Variants in PARP3 observed in about 807,000 individuals in gnomAD.
The protein encoded by PARP3 is protein mono-ADP-ribosyltransferase PARP3.
Under a neutral mutation model 58.2 loss-of-function variants are expected in PARP3, and 46 were observed. The ratio of observed to expected loss-of-function variants is 0.79; its 90% CI spans 0.62 to 1.01. The LOEUF is 1.01. Among genes scored for constraint, PARP3 ranks in the 50% least tolerant of loss-of-function variants. PARP3 has a pLI of 0.00. For missense variants in PARP3, 663 were observed against 683.9 expected, an observed-to-expected ratio of 0.97 and a Z score of 0.34; for synonymous variants, 252 against 266.4, an observed-to-expected ratio of 0.95 and a Z score of 0.53.
rs377311591 is a variant in PARP3 at position 51,948,500 on chromosome 3, G to A, written c.*20G>A. The A allele has an allele frequency of 1.4e-4, 219 of 1,611,708 alleles. No homozygotes were observed. Among genetic ancestry groups the A allele is most frequent in the Non-Finnish European group, 1.8e-4 (210 of 1,178,492 alleles). ...CTCTGAGTGCCCGCCCTGTCCCCCG[G>A]GGTCCTGCAAGGCTGGACTGTGATC... On this transcript the variant is annotated 3_prime_UTR_variant, in exon 11 of 11. Transcript: ENST00000398755.
rs1441435898 is a variant in PARP3 at position 51,942,819 on chromosome 3, C to G, written c.-3+111C>G. 4 of 1,483,442 alleles carry G rather than the reference C, an allele frequency of 2.7e-6. No individual in the cohort carries two copies. In the African/African-American group the frequency reaches 4.2e-5, roughly 16 times the overall value. 91.9% of individuals were successfully genotyped at this position (1,483,442 alleles called of 1,614,324 possible). A position where few individuals can be genotyped will look rare whatever the true frequency, so the allele number is the denominator to read the frequency against. On this transcript the variant is annotated intron_variant, in intron 1 of 10. Transcript: ENST00000398755. ...GATCCGGAGTTCTGGCTCCTCAGAA[C>G]TCTTGAGTCCATTGGGAAGGGCTTC... is the stretch of plus-strand genomic sequence containing the variant.
Position 51,944,233 on chromosome 3 carries a change from G to T in PARP3, c.312+16G>T. ...GGGCCGTGTGGTGAGTGCCCTGCCT[G>T]CTCTGCACATACTCCCCAGGGTCCT... On this transcript the variant is annotated intron_variant, in intron 3 of 10. Coordinates refer to ENST00000398755, the MANE Select transcript of PARP3 (RefSeq NM_001003931.4). This position sits in a 1 kb window ranked among gnomAD's most constrained non-coding sequence, Gnocchi z 4.2. 6.2e-7 allele frequency: 1 copy of T among 1,613,774 alleles called. No homozygotes were observed. Among genetic ancestry groups the T allele is most frequent in the Non-Finnish European group, 8.5e-7 (1 of 1,179,894 alleles).
chr3:51,943,370 G>A lies in PARP3; in HGVS notation c.15G>A (p.Pro5=), dbSNP rs747197305. Residue 5 remains proline, a synonymous_variant, in exon 2 of 11, where the codon CCG becomes CCA. Transcript: ENST00000398755. ...CCAGGACAGCCATGGCTCCAAAGCCGAAGCCCTGGGTACAGACTGAGGGCC... is the reference window on the plus strand; with the variant it reads ...CCAGGACAGCCATGGCTCCAAAGCCAAAGCCCTGGGTACAGACTGAGGGCC... MAPK[P]KPWVQTEGPE... The A allele has an allele frequency of 2.1e-5, 33 of 1,586,972 alleles. No individual in the cohort carries two copies. Among genetic ancestry groups the A allele is most frequent in the Non-Finnish European group, 2.5e-5 (29 of 1,167,896 alleles).
At chr3:51,943,110 G>A in intron 1 of PARP3, 3 of 1,181,340 alleles carry the variant, frequency 2.5e-6, no homozygotes, top group South Asian at 3.4e-5. Flanking sequence ...ACTGGACAGA[G>A]TCCTAACCTT....
In PARP3 at chr3:51,944,466, G is replaced by A. The variant is rs778185003; in HGVS notation, c.389G>A (p.Arg130Gln). Reference sequence around the variant, plus strand: ...AAGAAGGACTTTGAGAAGAAATTTCGGGAAAAGACCAAGAACAACTGGGCA... The same window carrying A: ...AAGAAGGACTTTGAGAAGAAATTTCAGGAAAAGACCAAGAACAACTGGGCA... ...DAKKDFEKKF[R>Q]EKTKNNWAER... The change falls in exon 4 of 11, where the codon CGG (arginine) becomes CAG (glutamine). Residue 130 changes from arginine to glutamine, a missense_variant. Arg to Gln is a conservative substitution (Grantham distance 43). Coordinates refer to ENST00000398755, the MANE Select transcript of PARP3 (RefSeq NM_001003931.4). This position sits in a 1 kb window ranked among gnomAD's most constrained non-coding sequence, Gnocchi z 4.2. 5.8e-5 allele frequency: 93 copies of A among 1,614,012 alleles called. No individual in the cohort carries two copies. The highest frequency in any genetic ancestry group is 7.4e-5 in the Non-Finnish European group (87 of 1,180,042).
chr3:51,942,667 G>A lies in PARP3; in HGVS notation c.-44G>A, dbSNP rs750859962. 8 of 1,422,610 alleles carry A rather than the reference G, an allele frequency of 5.6e-6. No individual in the cohort carries two copies. The highest frequency in any genetic ancestry group is 7.8e-6 in the Non-Finnish European group (8 of 1,024,976). The allele number at this position is 1,422,610 out of a possible 1,614,324, so 88.1% of individuals were successfully genotyped here. A position where few individuals can be genotyped will look rare whatever the true frequency, so the allele number is the denominator to read the frequency against. On this transcript the variant is annotated 5_prime_UTR_variant, in exon 1 of 11. Coordinates refer to ENST00000398755, the MANE Select transcript of PARP3 (RefSeq NM_001003931.4). ...CCTGGGAGGCGCACACAACCAGGCC[G>A]GGTGGCAGCCAGGACCTCTCCCATG...
rs200544465 is a variant in PARP3 at position 51,945,054 on chromosome 3, G to A, written c.691G>A (p.Glu231Lys). 30 of 1,613,042 alleles carry A rather than the reference G, an allele frequency of 1.9e-5. No individual in the cohort carries two copies. The highest frequency in any genetic ancestry group is 4.5e-5 in the East Asian group (2 of 44,198). ...LSKQQIARGF[E>K]ALEALEEALK... ...CAAGCAACAGATTGCACGGGGTTTC[G>A]AGGCCTTGGAGGCGCTGGAGGAGGC... The change falls in exon 6 of 11, where the codon GAG (glutamate) becomes AAG (lysine). Residue 231 changes from glutamate to lysine, a missense_variant. Physicochemically the swap from Glu to Lys is moderately conservative, Grantham distance 56. Transcript: ENST00000398755.
intron 1 of PARP3, 148 bp downstream of exon 1, chr3:51,942,856 G>A: frequency 2.1e-6 from 3 of 1,446,114 alleles, no homozygotes; most frequent in Non-Finnish European, 2.7e-6. Flanking sequence ...ACAGCTCTGG[G>A]TTCTAAGCTC....
In PARP3 at chr3:51,944,341, G is replaced by C. The variant is rs770292843; in HGVS notation, c.313-49G>C. ...GCACAGGGCCTGGCCCGACACACAG[G>C]CCAGCAAATGCTGATGGTGGGCATA... On this transcript the variant is annotated intron_variant, in intron 3 of 10. Transcript: ENST00000398755. This position sits in a 1 kb window ranked among gnomAD's most constrained non-coding sequence, Gnocchi z 4.2. 1.2e-4 allele frequency: 186 copies of C among 1,610,214 alleles called. No individual in the cohort carries two copies. In the African/African-American group the frequency reaches 2.4e-3, roughly 21 times the overall value.
chr3:51,946,046 G>A lies in PARP3; in HGVS notation c.1098+107G>A. ...CGTTTAGCAGCTCTGGTCAGTTTCTGCCGGCCATGAGTGCGCGTGAGTAAG... is the reference window on the plus strand; with the variant it reads ...CGTTTAGCAGCTCTGGTCAGTTTCTACCGGCCATGAGTGCGCGTGAGTAAG... On this transcript the variant is annotated intron_variant, in intron 8 of 10. Coordinates refer to ENST00000398755, the MANE Select transcript of PARP3 (RefSeq NM_001003931.4). This position sits in a 1 kb window ranked among gnomAD's most constrained non-coding sequence, Gnocchi z 4.6. 7.3e-7 allele frequency: 1 copy of A among 1,369,364 alleles called. No individual in the cohort carries two copies. The highest frequency in any genetic ancestry group is 1.0e-6 in the Non-Finnish European group (1 of 969,072). 84.8% of individuals were successfully genotyped at this position (1,369,364 alleles called of 1,614,324 possible). A position where few individuals can be genotyped will look rare whatever the true frequency, so the allele number is the denominator to read the frequency against.
At chr3:51,948,046 C>T in intron 10 of PARP3, 151 bp downstream of exon 10, 1 of 825,758 alleles carries the variant, frequency 1.2e-6, no homozygotes, top group Admixed American at 2.6e-5. Flanking sequence ...ACTGGTTCAA[C>T]ACATCATTCC....
At chr3:51,942,733 C>T (rs1414587217) in intron 1 of PARP3, 25 bp downstream of exon 1, 3 of 1,553,936 alleles carry the variant, frequency 1.9e-6, no homozygotes, top group Non-Finnish European at 2.6e-6. Context: ...GTCCTGCCCA[C>T]GGCAGGGCAG....
rs142687868 is a variant in PARP3, at chr3:51,944,398, C to T, written c.321C>T (p.Val107=). 3.8e-5 allele frequency: 62 copies of T among 1,613,636 alleles called. No homozygotes were observed. The African/African-American group carries it at 5.9e-4, about 15-fold the overall frequency. ...AAGGCTGTCGGTTGCAGGGAGAGGT[C>T]GGCCAGTCAAAGATCAACCACTTCA... is the stretch of plus-strand genomic sequence containing the variant. ...CWNRWGRVGE[V]GQSKINHFTR... Residue 107 remains valine (V), a synonymous_variant, in exon 4 of 11, where the codon GTC becomes GTT. Transcript: ENST00000398755. This position sits in a 1 kb window ranked among gnomAD's most constrained non-coding sequence, Gnocchi z 4.2.
chr3:51,948,193 G>A (rs1479866972), intron 10 of PARP3, 118 bp from the exon 11 acceptor site: 1 of 1,076,784 alleles, frequency 9.3e-7, no homozygotes, highest in African/African-American at 1.6e-5. Flanking sequence ...AGGTGGGCAA[G>A]GTGGAAATGA....
At position 51,942,666 on chromosome 3, in the gene PARP3, C is replaced by T. The variant is rs550745399; in HGVS notation, c.-45C>T. The T allele has an allele frequency of 8.5e-6, 12 of 1,412,982 alleles. No individual in the cohort carries two copies. The highest frequency in any genetic ancestry group is 2.4e-5 in the East Asian group (1 of 41,322). 87.5% of individuals were successfully genotyped at this position (1,412,982 alleles called of 1,614,324 possible). The stretch of plus-strand genomic sequence containing the variant: ...CCCTGGGAGGCGCACACAACCAGGC[C>T]GGGTGGCAGCCAGGACCTCTCCCAT... On this transcript the variant is annotated 5_prime_UTR_variant, in exon 1 of 11. Transcript: ENST00000398755.
In PARP3 at chr3:51,948,620, A is replaced by T. The variant is rs1299009989; in HGVS notation, c.*140A>T. 5.4e-5 allele frequency: 41 copies of T among 760,646 alleles called. No individual in the cohort carries two copies. The highest frequency in any genetic ancestry group is 4.2e-6 in the Non-Finnish European group (2 of 481,780). 47.1% of individuals were successfully genotyped at this position (760,646 alleles called of 1,614,324 possible). A position where few individuals can be genotyped will look rare whatever the true frequency, so the allele number is the denominator to read the frequency against. ...TTAACTATAGTCACCATGCTGTACA[A>T]GATCCCTGAACTTATGCCTCCTAAC... On this transcript the variant is annotated 3_prime_UTR_variant, in exon 11 of 11. Coordinates refer to ENST00000398755, the MANE Select transcript of PARP3 (RefSeq NM_001003931.4).
intron 6 of PARP3, 95 bp from the exon 7 acceptor site, chr3:51,945,400 A>T (rs1699652559): frequency 2.0e-6 from 3 of 1,465,750 alleles, no homozygotes; most frequent in Non-Finnish European, 1.9e-6. Flanking sequence ...GGTGGGACAC[A>T]CAGGTGGGGT....
intron 6 of PARP3, 28 bp downstream of exon 6, chr3:51,945,252 C>T (rs1305844586): frequency 6.3e-7 from 1 of 1,598,844 alleles, no homozygotes. Flanking sequence ...TGCGGGCAGG[C>T]AGTGGGGCAC....
At position 51,944,701 on chromosome 3, in the gene PARP3, G is replaced by A; in HGVS notation, c.502-77G>A. ...GCCTCAGCCACAGAACTCCCCTCTG[G>A]CCTCAGGCTGGCTGGTCTCTGTCTG... On this transcript the variant is annotated intron_variant, in intron 4 of 10. Coordinates refer to ENST00000398755, the MANE Select transcript of PARP3 (RefSeq NM_001003931.4). The surrounding 1 kb of genome is among the most constrained non-coding windows in gnomAD (Gnocchi z 4.2). 6.4e-7 allele frequency: 1 copy of A among 1,574,118 alleles called. No homozygotes were observed. Among genetic ancestry groups the A allele is most frequent in the African/African-American group, 1.3e-5 (1 of 74,158 alleles).
Sources: gnomAD v4.1 joint callset for allele counts on GRCh38, gnomAD v4.1.1 for gene constraint, Gnocchi (gnomAD v3.1) non-coding constraint, MANE v1.5 for transcripts, NCBI Gene and HGNC (gene_info 2026-07-23, HGNC 2026-07-21) for gene names.